Variants in PCGF5 observed in about 807,000 individuals in gnomAD.
PCGF5 encodes the protein polycomb group ring finger 5.
In PCGF5, 9 loss-of-function variants were observed where a neutral mutation model predicts 44.3. The observed-to-expected ratio is 0.20, with a 90% CI of 0.12 to 0.35. The LOEUF is 0.35. Ranked by LOEUF, PCGF5 falls within the 10% of genes least tolerant of loss-of-function variation. PCGF5 has a pLI of 1.00. For synonymous variants in PCGF5, 95 were observed against 102.5 expected (o/e 0.93, Z 0.44); for missense variants, 146 against 305.3 (o/e 0.48, Z 3.89).
upstream of PCGF5, among the ~76,000 whole-genome samples, chr10:91,162,729 G>A (rs1026005182): frequency 1.3e-5 from 2 of 151,440 alleles, no homozygotes; most frequent in African/African-American, 4.8e-5. Flanking sequence ...GGCTCGAGGA[G>A]GCCTGGCGGG....
At chr10:91,178,884 A>T (rs1223978680) in intron 1 of PCGF5, among the ~76,000 whole-genome samples, 1 of 152,204 alleles carries the variant, frequency 6.6e-6, no homozygotes, top group Admixed American at 6.5e-5. Context: ...TACATGAAGC[A>T]TTATTATTTG....
At chr10:91,187,827 A>G (rs549314542) in intron 1 of PCGF5, among the ~76,000 whole-genome samples, 22 of 152,166 alleles carry the variant, frequency 1.4e-4, no homozygotes, top group Non-Finnish European at 2.5e-4. Flanking sequence ...AATTATTTAG[A>G]AAAAACTTAG....
chr10:91,260,439 A>G (rs547393360), intron 6 of PCGF5, among the ~76,000 whole-genome samples: 234 of 152,300 alleles, frequency 1.5e-3, no homozygotes, highest in African/African-American at 5.5e-3. Context: ...ATACCATTTG[A>G]CCCAGCCATC....
chr10:91,277,504 G>T (rs1206127066), intron 9 of PCGF5, among the ~76,000 whole-genome samples: 2 of 151,994 alleles, frequency 1.3e-5, no homozygotes, highest in Non-Finnish European at 2.9e-5. Flanking sequence ...AGGTAGCGTG[G>T]CATATGCCAT....
intron 8 of PCGF5, among the ~76,000 whole-genome samples, chr10:91,266,650 T>C (rs1022288949): frequency 3.3e-5 from 5 of 152,200 alleles, no homozygotes; most frequent in African/African-American, 1.2e-4. Context: ...GTTTTTTAGT[T>C]GCTTTCCTTC....
At chr10:91,263,427 T>C (rs1333384310) in intron 7 of PCGF5, among the ~76,000 whole-genome samples, 1 of 152,182 alleles carries the variant, frequency 6.6e-6, no homozygotes, top group African/African-American at 2.4e-5. Context: ...ATAATTTTGC[T>C]TCACATGTCT....
rs539912446 is a variant in PCGF5 at position 91,280,033 on chromosome 10, T to G, written c.*1717T>G. On this transcript the variant is annotated 3_prime_UTR_variant, in exon 10 of 10. Coordinates refer to ENST00000336126, the MANE Select transcript of PCGF5 (RefSeq NM_032373.5). Reference sequence around the variant, plus strand: ...GTTCCAACTTTGGTGAAAAAGGTTATGGCAATACTTTAACTTTGTTTTGTT... The same window carrying G: ...GTTCCAACTTTGGTGAAAAAGGTTAGGGCAATACTTTAACTTTGTTTTGTT... The G allele has an allele frequency of 6.6e-6, 1 of 152,064 alleles. No homozygotes were observed. The highest frequency in any genetic ancestry group is 1.5e-5 in the Non-Finnish European group (1 of 67,914). 9.4% of individuals were successfully genotyped at this position (152,064 alleles called of 1,614,324 possible). A position where few individuals can be genotyped will look rare whatever the true frequency, so the allele number is the denominator to read the frequency against.
intron 2 of PCGF5, among the ~76,000 whole-genome samples, chr10:91,231,623 C>A (rs958433105): frequency 6.6e-6 from 1 of 152,132 alleles, no homozygotes; most frequent in African/African-American, 2.4e-5. Flanking sequence ...TGGGCATGGC[C>A]GCAGGCACGT....
chr10:91,254,694 C>T (rs188258947), intron 6 of PCGF5, among the ~76,000 whole-genome samples: 6 of 152,164 alleles, frequency 3.9e-5, no homozygotes, highest in Admixed American at 1.3e-4. Flanking sequence ...TACAGAATAT[C>T]TACTGCTTTT....
intron 8 of PCGF5, among the ~76,000 whole-genome samples, chr10:91,267,918 C>T (rs1564656621): frequency 6.6e-6 from 1 of 152,062 alleles, no homozygotes; most frequent in Non-Finnish European, 1.5e-5. Context: ...GTTTCTATTG[C>T]TTTTTTGTAT....
rs1846510272 is a variant in PCGF5, at chr10:91,283,876, A to T, written c.*5560A>T. ...TAAGCTTTTTGTCAAAAGTGGTAAC[A>T]TCTTAATACAAATAAAAACCTTTTT... On this transcript the variant is annotated 3_prime_UTR_variant, in exon 10 of 10. Transcript: ENST00000336126. 1.3e-5 allele frequency: 2 copies of T among 152,684 alleles called. No individual in the cohort carries two copies. Among genetic ancestry groups the T allele is most frequent in the African/African-American group, 4.8e-5 (2 of 41,470 alleles). 9.5% of individuals were successfully genotyped at this position (152,684 alleles called of 1,614,324 possible).
intron 1 of PCGF5, among the ~76,000 whole-genome samples, chr10:91,221,627 C>T (rs557090456): frequency 6.6e-6 from 1 of 151,606 alleles, no homozygotes; most frequent in East Asian, 1.9e-4. Flanking sequence ...AATGAGTTAA[C>T]AGCTAAGATG....
chr10:91,236,587 G>A (rs779805069), intron 2 of PCGF5, among the ~76,000 whole-genome samples: 2 of 152,170 alleles, frequency 1.3e-5, no homozygotes, highest in Non-Finnish European at 2.9e-5. Context: ...AACCACTACA[G>A]CAGTTGAGCA....
chr10:91,182,479 AT>A (rs1339892043), intron 1 of PCGF5, among the ~76,000 whole-genome samples: 1 of 151,582 alleles, frequency 6.6e-6, no homozygotes, highest in Non-Finnish European at 1.5e-5. Flanking sequence ...ATATTTTATT[AT>A]TTTTTTCAAA....
intron 3 of PCGF5, 72 bp downstream of exon 3, chr10:91,240,652 C>T: frequency 1.1e-6 from 1 of 892,330 alleles, no homozygotes; most frequent in Non-Finnish European, 1.8e-6. Context: ...TATTGTATGT[C>T]ATAATATTTC....
Position 91,279,720 on chromosome 10 carries a change from A to G in PCGF5, c.*1404A>G, listed in dbSNP as rs1447959139. On this transcript the variant is annotated 3_prime_UTR_variant, in exon 10 of 10. Coordinates refer to ENST00000336126, the MANE Select transcript of PCGF5 (RefSeq NM_032373.5). Reference sequence around the variant, plus strand: ...TTAGGAAAAAATCTTGAAAGTTAGGAAAAATATTTGAGAAATATGACGAGC... The same window carrying G: ...TTAGGAAAAAATCTTGAAAGTTAGGGAAAATATTTGAGAAATATGACGAGC... 1 of 152,152 alleles carries G rather than the reference A, an allele frequency of 6.6e-6. No homozygotes were observed. The highest frequency in any genetic ancestry group is 2.4e-5 in the African/African-American group (1 of 41,448). 9.4% of individuals were successfully genotyped at this position (152,152 alleles called of 1,614,324 possible). A position where few individuals can be genotyped will look rare whatever the true frequency, so the allele number is the denominator to read the frequency against.
chr10:91,226,493 G>A (rs994735462), intron 2 of PCGF5, among the ~76,000 whole-genome samples: 1 of 152,092 alleles, frequency 6.6e-6, no homozygotes, highest in African/African-American at 2.4e-5. Context: ...GACTACTTAT[G>A]GGTGGGAGGC....
chr10:91,235,435 A>G (rs1466236691), intron 2 of PCGF5, among the ~76,000 whole-genome samples: 9 of 152,186 alleles, frequency 5.9e-5, no homozygotes, highest in Admixed American at 3.9e-4. Flanking sequence ...ATAAAGGGCC[A>G]GGTGTGCTGG....
intron 3 of PCGF5, among the ~76,000 whole-genome samples, chr10:91,248,088 G>A (rs1303294487): frequency 6.6e-6 from 1 of 152,148 alleles, no homozygotes; most frequent in Non-Finnish European, 1.5e-5. Context: ...TCTCATGGTA[G>A]CAGGATTCTG....
Sources: gnomAD v4.1 joint callset for allele counts (sites outside exome capture counted in the v4.1 genomes callset) on GRCh38, gnomAD v4.1.1 for gene constraint, MANE v1.5 for transcripts, NCBI Gene and HGNC (gene_info 2026-07-23, HGNC 2026-07-21) for gene names.